The following VEPH1 variants were observed in gnomAD, a reference collection of about 807,000 sequenced individuals.
VEPH1 encodes ventricular zone-expressed PH domain-containing protein homolog 1.
VEPH1 carries 80 observed loss-of-function variants against 85.2 expected under a neutral mutation model. That is an observed-to-expected ratio of 0.94 (90% confidence interval 0.78 to 1.13). VEPH1 has a LOEUF of 1.13. VEPH1 is among the 50% of genes most tolerant of loss of function. VEPH1 has a pLI of 0.00. For synonymous variants in VEPH1, 297 were observed against 348.0 expected, an observed-to-expected ratio of 0.85 and a Z score of 1.63; for missense variants, 955 against 980.5, an observed-to-expected ratio of 0.97 and a Z score of 0.35.
intron 6 of VEPH1, among the ~76,000 whole-genome samples, chr3:157,393,735 C>T (rs1220256191): frequency 6.6e-6 from 1 of 152,186 alleles, no homozygotes; most frequent in Non-Finnish European, 1.5e-5. Context: ...ATCTCTCTTT[C>T]TTCTTCATAC....
Position 157,470,358 on chromosome 3 carries a change from G to A in VEPH1, c.310C>T (p.Pro104Ser), listed in dbSNP as rs146517115. ...ATATCAGATGCGATTTTTGCATGAGGAGTGTCTTCGTCTTTCCCAAAGGGT... is the reference window on the plus strand; with the variant it reads ...ATATCAGATGCGATTTTTGCATGAGAAGTGTCTTCGTCTTTCCCAAAGGGT... ...LRPFGKDEDT[P>S]HAKIASDIMS... The change falls in exon 3 of 14, where the codon CCT (proline) becomes TCT (serine). Residue 104 changes from proline to serine, a missense_variant. By Grantham distance (74) the Pro-to-Ser change is moderately conservative. Transcript: ENST00000362010. 19 of 1,613,948 alleles carry A rather than the reference G, an allele frequency of 1.2e-5. No individual in the cohort carries two copies. In the African/African-American group the frequency reaches 2.1e-4, roughly 18 times the overall value.
intron 5 of VEPH1, among the ~76,000 whole-genome samples, chr3:157,427,406 C>T (rs1732834784): frequency 1.3e-5 from 2 of 152,202 alleles, no homozygotes; most frequent in African/African-American, 4.8e-5. Flanking sequence ...GCGTGAGCCA[C>T]TGCACCTGGC....
chr3:157,458,889 C>T (rs1259060076), intron 4 of VEPH1, among the ~76,000 whole-genome samples: 1 of 152,164 alleles, frequency 6.6e-6, no homozygotes, highest in African/African-American at 2.4e-5. Flanking sequence ...CCTTCCCCCA[C>T]TGATTATTTT....
intron 6 of VEPH1, among the ~76,000 whole-genome samples, chr3:157,397,904 A>G (rs911836534): frequency 2.6e-5 from 4 of 152,008 alleles, no homozygotes; most frequent in African/African-American, 9.7e-5. Flanking sequence ...TTCCTTTACC[A>G]CTGTCCTTCA....
At chr3:157,385,231 A>AC (rs995282370) in intron 6 of VEPH1, among the ~76,000 whole-genome samples, 2 of 151,810 alleles carry the variant, frequency 1.3e-5, no homozygotes, top group South Asian at 2.1e-4. Context: ...AAAAAAAAAA[A>AC]AAAAACTAAA....
intron 2 of VEPH1, among the ~76,000 whole-genome samples, chr3:157,483,594 C>T (rs879333923): frequency 1.3e-5 from 2 of 151,838 alleles, no homozygotes; most frequent in African/African-American, 2.4e-5. Flanking sequence ...AAAGAAATCT[C>T]TAGAAATTAA....
In VEPH1 at chr3:157,491,702, T is replaced by C. The variant is rs1739224679; in HGVS notation, c.138+3510A>G. 1.3e-5 allele frequency among the ~76,000 whole-genome samples: 2 copies of C among 152,184 alleles called. 1 individual carries two copies. The highest frequency in any genetic ancestry group is 4.1e-4 in the South Asian group (2 of 4,832). On this transcript the variant is annotated intron_variant, in intron 2 of 13. Transcript: ENST00000362010. Reference sequence around the variant, plus strand: ...CTAAGTAATATATTTGACAGAATCATGATGTTTAAAAGACATATTCTGGAA... The same window carrying C: ...CTAAGTAATATATTTGACAGAATCACGATGTTTAAAAGACATATTCTGGAA...
chr3:157,339,910 C>T (rs1181412202), intron 9 of VEPH1, among the ~76,000 whole-genome samples: 1 of 152,152 alleles, frequency 6.6e-6, no homozygotes, highest in Non-Finnish European at 1.5e-5. Flanking sequence ...AACTTGCCCA[C>T]AACCAGCTGA....
chr3:157,272,727 T>C (rs541230001), intron 12 of VEPH1, among the ~76,000 whole-genome samples: 36 of 152,234 alleles, frequency 2.4e-4, no homozygotes, highest in African/African-American at 8.4e-4. Flanking sequence ...CTTCCCAAAG[T>C]TCTGGGATTA....
chr3:157,462,357 T>C (rs963899794), intron 3 of VEPH1, among the ~76,000 whole-genome samples: 1 of 152,150 alleles, frequency 6.6e-6, no homozygotes, highest in Non-Finnish European at 1.5e-5. Flanking sequence ...TTTAAATAGA[T>C]GCAAAAGTTA....
chr3:157,391,158 T>G (rs947801563), intron 6 of VEPH1, among the ~76,000 whole-genome samples: 6 of 152,140 alleles, frequency 3.9e-5, no homozygotes, highest in Non-Finnish European at 7.4e-5. Flanking sequence ...GGGCCAGTAG[T>G]GTGAGTCAAG....
chr3:157,288,582 T>C (rs946775307), intron 11 of VEPH1, among the ~76,000 whole-genome samples: 1 of 152,114 alleles, frequency 6.6e-6, no homozygotes, highest in African/African-American at 2.4e-5. Flanking sequence ...CAGCACAAAG[T>C]TTTTTACTAA....
chr3:157,489,903 A>G (rs1012483587), intron 2 of VEPH1, among the ~76,000 whole-genome samples: 5 of 152,172 alleles, frequency 3.3e-5, no homozygotes, highest in East Asian at 3.9e-4. Flanking sequence ...TTTATGTTAT[A>G]ACCAACTGAA....
In VEPH1 at chr3:157,261,056, T is replaced by A; in HGVS notation, c.*78A>T. The A allele has an allele frequency of 6.4e-7, 1 of 1,554,862 alleles. No individual in the cohort carries two copies. The highest frequency in any genetic ancestry group is 1.2e-5 in the South Asian group (1 of 81,918). On this transcript the variant is annotated 3_prime_UTR_variant, in exon 14 of 14. Coordinates refer to ENST00000362010, the MANE Select transcript of VEPH1 (RefSeq NM_001167912.2). ...GTAAAAAACAACATGGCTTGGTAAA[T>A]TTAGCTCTTTTTCTTGACATTGGCA...
intron 12 of VEPH1, among the ~76,000 whole-genome samples, chr3:157,274,585 A>G (rs1362068526): frequency 6.6e-6 from 1 of 151,630 alleles, no homozygotes; most frequent in African/African-American, 2.4e-5. Context: ...GGAACCTTGA[A>G]CTCCTGGGCT....
intron 11 of VEPH1, among the ~76,000 whole-genome samples, chr3:157,296,842 C>A (rs1279287897): frequency 2.0e-5 from 3 of 152,208 alleles, no homozygotes; most frequent in Non-Finnish European, 4.4e-5. Context: ...ATTTTAATTT[C>A]TCTTTGCTTT....
At chr3:157,443,015 A>G (rs1170074816) in intron 4 of VEPH1, 1 of 1,558,726 alleles carries the variant, frequency 6.4e-7, no homozygotes. Flanking sequence ...AAAGAAAGAA[A>G]CTCACACTTA....
chr3:157,302,643 T>C (rs1718939857), intron 11 of VEPH1, among the ~76,000 whole-genome samples: 2 of 152,222 alleles, frequency 1.3e-5, no homozygotes, highest in South Asian at 4.1e-4. Flanking sequence ...ACATTTTTGT[T>C]GTTTATAAGC....
At position 157,288,974 on chromosome 3, in the gene VEPH1, G is replaced by A. The variant is rs367581068; in HGVS notation, c.2011-2300C>T. Among the ~76,000 whole-genome samples, 4 of 152,186 alleles carry A rather than the reference G, an allele frequency of 2.6e-5. No individual in the cohort carries two copies. In the East Asian group the frequency reaches 5.8e-4, roughly 22 times the overall value. ...ATATTGTTTTGACAAAAATGATTTT[G>A]AATATGTTCAATGGAAAAAAAGACT... On this transcript the variant is annotated intron_variant, in intron 11 of 13. Transcript: ENST00000362010.
Sources: gnomAD v4.1 joint callset for allele counts (sites outside exome capture counted in the v4.1 genomes callset) on GRCh38, gnomAD v4.1.1 for gene constraint, MANE v1.5 for transcripts, NCBI Gene and HGNC (gene_info 2026-07-23, HGNC 2026-07-21) for gene names.